BBX: variants seen among roughly 807,000 people sequenced by gnomAD.
BBX encodes BBX high mobility group box domain containing.
Under a neutral mutation model 100.2 loss-of-function variants are expected in BBX, and 30 were observed. That is an observed-to-expected ratio of 0.30 (90% CI 0.22 to 0.41). BBX has a LOEUF of 0.41. Among genes scored for constraint, BBX ranks in the 10% least tolerant of loss-of-function variants. The probability of loss-of-function intolerance (pLI) is 1.00; values close to 1 mark genes in which losing one functional copy is unlikely to be tolerated. For missense variants in BBX, 1,023 were observed against 1,129.8 expected (o/e 0.91, Z 1.35); for synonymous variants, 376 against 388.1 (o/e 0.97, Z 0.37).
At chr3:107,774,185 A>T (rs2067133810) in intron 11 of BBX, among the ~76,000 whole-genome samples, 1 of 152,172 alleles carries the variant, frequency 6.6e-6, no homozygotes, top group Non-Finnish European at 1.5e-5. Context: ...ATGTCCAGAA[A>T]ATAGTTAACC....
In BBX at chr3:107,647,931, G is replaced by A. The variant is rs115625968; in HGVS notation, c.-10+2022G>A. Among the ~76,000 whole-genome samples, 786 of 152,228 alleles carry A rather than the reference G, an allele frequency of 5.2e-3. 3 individuals are homozygous for A. The highest frequency in any genetic ancestry group is 8.3e-3 in the Non-Finnish European group (567 of 68,004). On this transcript the variant is annotated intron_variant, in intron 3 of 17. Coordinates refer to ENST00000325805, the MANE Select transcript of BBX (RefSeq NM_001142568.3). The stretch of plus-strand genomic sequence containing the variant: ...GTGATGGAACTATGACTCTTAACAA[G>A]GCTGCTTGGAAGTGGCACATGTCAT...
intron 8 of BBX, among the ~76,000 whole-genome samples, chr3:107,747,294 G>A: frequency 6.6e-6 from 1 of 152,044 alleles, no homozygotes; most frequent in East Asian, 1.9e-4. Context: ...AGAAGAAAAT[G>A]CTTTTCATAT....
At chr3:107,558,649 A>G (rs1201087877) in intron 2 of BBX, among the ~76,000 whole-genome samples, 1 of 152,284 alleles carries the variant, frequency 6.6e-6, no homozygotes, top group Non-Finnish European at 1.5e-5. Flanking sequence ...GCATCCAACA[A>G]TCACAGCATC....
intron 2 of BBX, among the ~76,000 whole-genome samples, chr3:107,557,465 A>C (rs1200100589): frequency 6.6e-6 from 1 of 152,228 alleles, no homozygotes; most frequent in East Asian, 1.9e-4. Context: ...ACAGTTTATC[A>C]AATCAAACCC....
Position 107,636,632 on chromosome 3 carries a change from C to G in BBX, c.-83-9204C>G, listed in dbSNP as rs541295339. ...TTGTAGTACTTATAATTGGTGCCCC[C>G]GGAGTTGTATAGCACTGATTTCTGT... On this transcript the variant is annotated intron_variant, in intron 2 of 17. Coordinates refer to ENST00000325805, the MANE Select transcript of BBX (RefSeq NM_001142568.3). Among the ~76,000 whole-genome samples, 3 of 152,104 alleles carry G rather than the reference C, an allele frequency of 2.0e-5. No individual in the cohort carries two copies. The South Asian group carries it at 6.2e-4, about 31-fold the overall frequency.
chr3:107,675,531 C>T (rs1177734945), intron 3 of BBX, among the ~76,000 whole-genome samples: 1 of 152,128 alleles, frequency 6.6e-6, no homozygotes, highest in African/African-American at 2.4e-5. Flanking sequence ...CTTTGCCCCT[C>T]TCTTCTCATG....
chr3:107,775,710 A>G (rs2067271797), intron 12 of BBX, among the ~76,000 whole-genome samples: 2 of 152,172 alleles, frequency 1.3e-5, no homozygotes, highest in South Asian at 2.1e-4. Context: ...TATTCATAAT[A>G]TTTGCATATC....
At chr3:107,638,758 CAAA>C (rs59474146) in intron 2 of BBX, among the ~76,000 whole-genome samples, 21 of 91,298 alleles carry the variant, frequency 2.3e-4, no homozygotes, top group African/African-American at 6.5e-4. Flanking sequence ...ACTCCTCTAC[CAAA>C]AAAAAAAAAA....
At chr3:107,682,139 A>G (rs1003279317) in intron 3 of BBX, among the ~76,000 whole-genome samples, 1 of 152,146 alleles carries the variant, frequency 6.6e-6, no homozygotes, top group South Asian at 2.1e-4. Flanking sequence ...GAATAAATTC[A>G]TGAAGATGTT....
chr3:107,613,837 T>G (rs2055034504), intron 2 of BBX, among the ~76,000 whole-genome samples: 1 of 152,106 alleles, frequency 6.6e-6, no homozygotes, highest in Non-Finnish European at 1.5e-5. Flanking sequence ...ATTTTCCTAT[T>G]TTTTCCCTTG....
intron 3 of BBX, among the ~76,000 whole-genome samples, chr3:107,669,081 G>C (rs1021874253): frequency 3.9e-5 from 6 of 152,088 alleles, no homozygotes; most frequent in Admixed American, 2.0e-4. Flanking sequence ...AAGACTCCCT[G>C]CCTGTAATTA....
At chr3:107,753,248 C>T (rs73850158) in intron 9 of BBX, among the ~76,000 whole-genome samples, 2,682 of 152,270 alleles carry the variant, frequency 0.018, 75 homozygotes, top group African/African-American at 0.061. Flanking sequence ...TGGAAATTAA[C>T]GTATGCCCAG....
Position 107,584,156 on chromosome 3 carries a change from G to A in BBX, c.-84+57758G>A, listed in dbSNP as rs13315667. 7.4e-3 allele frequency among the ~76,000 whole-genome samples: 86 copies of A among 11,560 alleles called. 7 individuals carry two copies. Among genetic ancestry groups the A allele is most frequent in the African/African-American group, 0.017 (35 of 2,024 alleles). The allele number at this position is 11,560 out of a possible 152,430, so 7.6% of individuals were successfully genotyped here. On this transcript the variant is annotated intron_variant, in intron 2 of 17. Coordinates refer to ENST00000325805, the MANE Select transcript of BBX (RefSeq NM_001142568.3). ...ATTATATATATTATATATAATATAT[G>A]ATATATATATTATTATATATATTAT...
chr3:107,567,771 C>T (rs1211653723), intron 2 of BBX, among the ~76,000 whole-genome samples: 2 of 152,068 alleles, frequency 1.3e-5, no homozygotes, highest in Non-Finnish European at 2.9e-5. Flanking sequence ...TCTTCATTTC[C>T]ACTTTCCAGA....
rs1012278277 is a variant in BBX, at chr3:107,809,540, G to A, written c.*4083G>A. ...AAGGCCAATCCTAATGGGCTACCTC[G>A]GCTTTAAAAGTTAATTTCAGTAAGT... On this transcript the variant is annotated 3_prime_UTR_variant, in exon 18 of 18. Coordinates refer to ENST00000325805, the MANE Select transcript of BBX (RefSeq NM_001142568.3). The A allele has an allele frequency of 1.1e-4, 17 of 152,118 alleles. No individual in the cohort carries two copies. Among genetic ancestry groups the A allele is most frequent in the African/African-American group, 4.1e-4 (17 of 41,410 alleles). The allele number at this position is 152,118 out of a possible 1,614,324, so 9.4% of individuals were successfully genotyped here.
chr3:107,733,544 G>C (rs1197389485), intron 7 of BBX, among the ~76,000 whole-genome samples: 1 of 152,132 alleles, frequency 6.6e-6, no homozygotes, highest in African/African-American at 2.4e-5. Flanking sequence ...CCAGGCTGGA[G>C]TGCAGTGGCA....
chr3:107,524,044 AG>A (rs919808197), intron 1 of BBX: 1 of 150,202 alleles, frequency 6.7e-6, no homozygotes. Context: ...GGAAGAGAGG[AG>A]GGGGAAGAGG....
intron 3 of BBX, among the ~76,000 whole-genome samples, chr3:107,686,299 A>G (rs1342352638): frequency 6.6e-6 from 1 of 152,176 alleles, no homozygotes; most frequent in Non-Finnish European, 1.5e-5. Context: ...GTGATTCCCA[A>G]TGTATGCTTC....
At chr3:107,569,715 C>A (rs1299040710) in intron 2 of BBX, among the ~76,000 whole-genome samples, 3 of 152,154 alleles carry the variant, frequency 2.0e-5, no homozygotes, top group African/African-American at 7.2e-5. Flanking sequence ...GGTTTAGAAG[C>A]CTGGCTGTCA....
Sources: allele counts gnomAD v4.1 joint callset (sites outside exome capture counted in the v4.1 genomes callset), GRCh38; gene constraint gnomAD v4.1.1; transcripts MANE v1.5; gene names NCBI Gene and HGNC (gene_info 2026-07-23, HGNC 2026-07-21).